The following TFRC variants were observed in gnomAD, a reference collection of about 807,000 sequenced individuals.
TFRC encodes the protein transferrin receptor, also known as transferrin receptor protein 1.
In TFRC, 35 loss-of-function variants were observed where a neutral mutation model predicts 85.8. That is an observed-to-expected ratio of 0.41 (90% CI 0.31 to 0.54). TFRC has a LOEUF of 0.54. Ranked by LOEUF, TFRC falls within the 20% of genes least tolerant of loss-of-function variation. The pLI, the probability that TFRC is intolerant of heterozygous loss-of-function variation, is 0.31. For missense variants in TFRC, 828 were observed against 921.5 expected (o/e 0.90, Z 1.31); for synonymous variants, 362 against 328.6 (o/e 1.10, Z -1.10).
At position 196,051,847 on chromosome 3, in the gene TFRC, C is replaced by T; in HGVS notation, c.*95G>A. ...AGATGATGGGATGGAATTTTAACAT[C>T]AGGTTTTGTAGCCCTACTGAAAATT... On this transcript the variant is annotated 3_prime_UTR_variant, in exon 19 of 19. Transcript: ENST00000360110. The T allele has an allele frequency of 7.0e-7, 1 of 1,438,270 alleles. No homozygotes were observed. The highest frequency in any genetic ancestry group is 9.5e-7 in the Non-Finnish European group (1 of 1,058,030). The allele number at this position is 1,438,270 out of a possible 1,614,324, so 89.1% of individuals were successfully genotyped here.
In TFRC at chr3:196,060,260, T is replaced by C; in HGVS notation, c.1469-13A>G. The stretch of plus-strand genomic sequence containing the variant: ...AAGTTGCTGGTACCTGAAAATAAAT[T>C]GTTTTATCATTGCCCCTTCTCCATT... On this transcript the variant is annotated splice_polypyrimidine_tract_variant and intron_variant, in intron 13 of 18. Transcript: ENST00000360110. 6.2e-7 allele frequency: 1 copy of C among 1,611,924 alleles called. No individual in the cohort carries two copies. The highest frequency in any genetic ancestry group is 2.2e-5 in the East Asian group (1 of 44,852).
intron 3 of TFRC, 86 bp downstream of exon 3, chr3:196,075,073 A>AAAAAAT: frequency 2.1e-6 from 2 of 944,596 alleles, no homozygotes; most frequent in Non-Finnish European, 3.2e-6. Context: ...AAAATAAGGT[A>AAAAAAT]CAAAATAACT....
At chr3:196,078,106 C>T (rs913007379) in intron 1 of TFRC, among the ~76,000 whole-genome samples, 7 of 152,138 alleles carry the variant, frequency 4.6e-5, no homozygotes, top group Admixed American at 1.3e-4. Context: ...AAGCAAAATA[C>T]ATCTCTGTAA....
Position 196,072,022 on chromosome 3 carries a change from TAAC to T in TFRC, c.562_564del (p.Val188del), listed in dbSNP as rs761432227. ...ACATACCTGTCTTTGACCTGAATCT[TAAC>T]AAAATGTTGATCACGCCAGACTTTG... On this transcript the variant is annotated inframe_deletion, in exon 5 of 19. Coordinates refer to ENST00000360110, the MANE Select transcript of TFRC (RefSeq NM_001128148.3). 6.2e-7 allele frequency: 1 copy of T among 1,613,382 alleles called. No homozygotes were observed. The highest frequency in any genetic ancestry group is 8.5e-7 in the Non-Finnish European group (1 of 1,179,808).
intron 1 of TFRC, among the ~76,000 whole-genome samples, chr3:196,079,176 A>G (rs755116069): frequency 9.2e-5 from 14 of 152,182 alleles, no homozygotes; most frequent in African/African-American, 1.9e-4. Flanking sequence ...GTAAGGACCC[A>G]ATCATTAGAG....
At chr3:196,078,114 T>TACAG (rs1470629533) in intron 1 of TFRC, among the ~76,000 whole-genome samples, 2 of 152,196 alleles carry the variant, frequency 1.3e-5, no homozygotes, top group Non-Finnish European at 2.9e-5. Flanking sequence ...TACATCTCTG[T>TACAG]AATCAAAGTC....
intron 1 of TFRC, among the ~76,000 whole-genome samples, chr3:196,080,353 C>T (rs1178703983): frequency 2.6e-5 from 4 of 152,262 alleles, no homozygotes; most frequent in Admixed American, 2.6e-4. Context: ...ATCCACCTGC[C>T]TCGGCCTCCC....
chr3:196,070,941 T>C (rs1033411640), intron 6 of TFRC, among the ~76,000 whole-genome samples: 3 of 152,032 alleles, frequency 2.0e-5, no homozygotes, highest in African/African-American at 7.2e-5. Context: ...TGACACCCTG[T>C]CTCAAAACAA....
chr3:196,065,324 C>G (rs1717625435), intron 10 of TFRC, 119 bp downstream of exon 10: 1 of 550,292 alleles, frequency 1.8e-6, no homozygotes, highest in Non-Finnish European at 3.1e-6. Flanking sequence ...AGATTGAGCA[C>G]TTCATAAAAC....
At chr3:196,081,362 G>A (rs1376943897) in intron 1 of TFRC, among the ~76,000 whole-genome samples, 4 of 152,238 alleles carry the variant, frequency 2.6e-5, no homozygotes, top group Non-Finnish European at 5.9e-5. Context: ...TACCAGAGCC[G>A]AAGGGTAAGT....
rs142433801 is a variant in TFRC at position 196,053,901 on chromosome 3, A to G, written c.1900-343T>C. On this transcript the variant is annotated intron_variant, in intron 17 of 18. Transcript: ENST00000360110. ...GGTACTTCAGGATTTAGTTATTTCCACCTGGTAAGTTCCATTTTCAACAGT... is the reference window on the plus strand; with the variant it reads ...GGTACTTCAGGATTTAGTTATTTCCGCCTGGTAAGTTCCATTTTCAACAGT... 3.7e-3 allele frequency among the ~76,000 whole-genome samples: 566 copies of G among 152,334 alleles called. 3 individuals are homozygous for G. Among genetic ancestry groups the G allele is most frequent in the Middle Eastern group, 0.01 (3 of 294 alleles).
chr3:196,065,326 T>G, intron 10 of TFRC, 117 bp downstream of exon 10: 1 of 572,228 alleles, frequency 1.7e-6, no homozygotes, highest in Non-Finnish European at 2.9e-6. Context: ...ATTGAGCACT[T>G]CATAAAACCA....
chr3:196,071,343 G>A (rs2108652798), intron 6 of TFRC, 53 bp downstream of exon 6: 1 of 1,478,972 alleles, frequency 6.8e-7, no homozygotes, highest in South Asian at 1.1e-5. Context: ...GAAAAGATGA[G>A]TTTTGAATGA....
chr3:196,056,297 G>A (rs1227089680), intron 16 of TFRC, among the ~76,000 whole-genome samples: 2 of 152,126 alleles, frequency 1.3e-5, no homozygotes, highest in African/African-American at 2.4e-5. Flanking sequence ...CCAATGTGCC[G>A]GAATTATAGG....
intron 8 of TFRC, 145 bp downstream of exon 8, chr3:196,067,887 A>T (rs1717866647): frequency 1.3e-6 from 1 of 749,614 alleles, no homozygotes; most frequent in Non-Finnish European, 2.1e-6. Flanking sequence ...CCTCAAAGTC[A>T]ATGTAATCTA....
rs1718264524 is a variant in TFRC at position 196,072,128 on chromosome 3, G to A, written c.459C>T (p.Val153=). 2 of 1,613,588 alleles carry A rather than the reference G, an allele frequency of 1.2e-6. No individual in the cohort carries two copies. Among genetic ancestry groups the A allele is most frequent in the Non-Finnish European group, 1.7e-6 (2 of 1,179,898 alleles). ...TIKLLNENSY[V]PREAGSQKDE... Reference sequence around the variant, plus strand: ...CTTTTTGAGATCCAGCCTCACGAGGGACATATGAATTTTCATTCAGCAGCC... The same window carrying A: ...CTTTTTGAGATCCAGCCTCACGAGGAACATATGAATTTTCATTCAGCAGCC... Residue 153 remains valine, a synonymous_variant, in exon 5 of 19, where the codon GTC becomes GTT. Coordinates refer to ENST00000360110, the MANE Select transcript of TFRC (RefSeq NM_001128148.3).
chr3:196,074,694 C>CATGGT (rs1202148709), intron 3 of TFRC, among the ~76,000 whole-genome samples: 1 of 151,968 alleles, frequency 6.6e-6, no homozygotes, highest in African/African-American at 2.4e-5. Flanking sequence ...GCCTGACCAA[C>CATGGT]ATGGTGAAAC....
In TFRC at chr3:196,062,664, C is replaced by T; in HGVS notation, c.1405-19G>A. 2 of 1,594,574 alleles carry T rather than the reference C, an allele frequency of 1.3e-6. No individual in the cohort carries two copies. Among genetic ancestry groups the T allele is most frequent in the Non-Finnish European group, 1.7e-6 (2 of 1,171,154 alleles). ...GGTATCCCTAGAAGAGAAGGGAAAA[C>T]ACTAATAAGTATAAATCTGTTTATT... On this transcript the variant is annotated intron_variant, in intron 12 of 18. Coordinates refer to ENST00000360110, the MANE Select transcript of TFRC (RefSeq NM_001128148.3).
intron 14 of TFRC, among the ~76,000 whole-genome samples, chr3:196,059,287 C>T (rs1331556471): frequency 6.6e-6 from 1 of 152,204 alleles, no homozygotes; most frequent in Non-Finnish European, 1.5e-5. Flanking sequence ...GCACTCCAGC[C>T]TGAGTGCTGG....
Sources: allele counts gnomAD v4.1 joint callset (sites outside exome capture counted in the v4.1 genomes callset), GRCh38; gene constraint gnomAD v4.1.1; transcripts MANE v1.5; gene names NCBI Gene and HGNC (gene_info 2026-07-23, HGNC 2026-07-21).